Variants in HSD17B12 observed in about 807,000 individuals in gnomAD.
HSD17B12 encodes the protein hydroxysteroid 17-beta dehydrogenase 12, also known as very-long-chain 3-oxoacyl-CoA reductase.
HSD17B12 carries 32 observed loss-of-function variants against 39.3 expected under a neutral mutation model. That is an observed-to-expected ratio of 0.81 (90% CI 0.61 to 1.09). The LOEUF is 1.09. Ranked by LOEUF, HSD17B12 falls within the 50% of genes least tolerant of loss-of-function variation. The pLI, the probability that HSD17B12 is intolerant of heterozygous loss-of-function variation, is 0.00. For missense variants in HSD17B12, 342 were observed against 382.9 expected (o/e 0.89, Z 0.89); for synonymous variants, 150 against 146.7 (o/e 1.02, Z -0.16).
At chr11:43,793,034 G>A (rs1950882778) in intron 3 of HSD17B12, among the ~76,000 whole-genome samples, 1 of 151,984 alleles carries the variant, frequency 6.6e-6, no homozygotes, top group Non-Finnish European at 1.5e-5. Context: ...CTAGCTGCAG[G>A]GAATACAAAT....
intron 1 of HSD17B12, among the ~76,000 whole-genome samples, chr11:43,715,141 G>A (rs962807065): frequency 6.6e-5 from 10 of 152,010 alleles, no homozygotes; most frequent in Admixed American, 2.6e-4. Flanking sequence ...GATTGCCCTC[G>A]CCAGAACTTC....
the HSD17B12 span, among the ~76,000 whole-genome samples, chr11:43,626,403 A>G: frequency 2.0e-5 from 3 of 151,834 alleles, no homozygotes; most frequent in Non-Finnish European, 4.4e-5. Flanking sequence ...TTTGTATATA[A>G]TTCTAAATGT....
chr11:43,701,669 T>G (rs2134810210), intron 1 of HSD17B12, among the ~76,000 whole-genome samples: 1 of 152,318 alleles, frequency 6.6e-6, no homozygotes, highest in African/African-American at 2.4e-5. Context: ...GGATTCTCTA[T>G]TGTGTTGCAT....
At chr11:43,799,788 T>G (rs2135047884) in intron 4 of HSD17B12, among the ~76,000 whole-genome samples, 1 of 152,308 alleles carries the variant, frequency 6.6e-6, no homozygotes, top group East Asian at 1.9e-4. Flanking sequence ...TTTACATGAT[T>G]TCCATAATAG....
At chr11:43,591,183 C>CT in the HSD17B12 span, among the ~76,000 whole-genome samples, 4 of 152,000 alleles carry the variant, frequency 2.6e-5, no homozygotes, top group Admixed American at 2.6e-4. Flanking sequence ...ATTTATAATA[C>CT]AAATATTAAA....
chr11:43,834,693 T>C (rs1951351603), intron 7 of HSD17B12, among the ~76,000 whole-genome samples: 1 of 152,192 alleles, frequency 6.6e-6, no homozygotes, highest in African/African-American at 2.4e-5. Flanking sequence ...TAAGGGAGTC[T>C]TATTGGGAAT....
chr11:43,574,878 C>T, the HSD17B12 span, among the ~76,000 whole-genome samples: 4 of 152,202 alleles, frequency 2.6e-5, no homozygotes, highest in Admixed American at 2.6e-4. Context: ...ATTTTCTCCT[C>T]CTCCTACCAT....
the HSD17B12 span, among the ~76,000 whole-genome samples, chr11:43,620,784 G>A: frequency 6.6e-6 from 1 of 152,182 alleles, no homozygotes; most frequent in Non-Finnish European, 1.5e-5. Context: ...GAGAACTCTG[G>A]TCCATTTGTT....
At chr11:43,774,140 A>G (rs2134993401) in intron 3 of HSD17B12, among the ~76,000 whole-genome samples, 1 of 152,330 alleles carries the variant, frequency 6.6e-6, no homozygotes, top group Non-Finnish European at 1.5e-5. Flanking sequence ...CTGTAGGGCA[A>G]GCTCAGGGGT....
chr11:43,721,604 G>A (rs1453976062), intron 1 of HSD17B12, among the ~76,000 whole-genome samples: 1 of 152,116 alleles, frequency 6.6e-6, no homozygotes, highest in East Asian at 1.9e-4. Flanking sequence ...GGGTGACAGA[G>A]CGAGACTCCA....
intron 3 of HSD17B12, among the ~76,000 whole-genome samples, chr11:43,785,844 A>G (rs1950811120): frequency 6.6e-6 from 1 of 152,322 alleles, no homozygotes; most frequent in African/African-American, 2.4e-5. Context: ...TTGTAACTTT[A>G]TGCATTGATC....
the HSD17B12 span, among the ~76,000 whole-genome samples, chr11:43,574,812 G>C: frequency 6.6e-6 from 1 of 152,272 alleles, no homozygotes; most frequent in African/African-American, 2.4e-5. Context: ...ACGTCACCTC[G>C]CCTTAAAAAG....
At chr11:43,733,216 T>C (rs551136903) in intron 1 of HSD17B12, among the ~76,000 whole-genome samples, 1 of 152,250 alleles carries the variant, frequency 6.6e-6, no homozygotes, top group Non-Finnish European at 1.5e-5. Flanking sequence ...GTTCCTAGTT[T>C]ATAAAGCAAT....
intron 1 of HSD17B12, among the ~76,000 whole-genome samples, chr11:43,697,156 A>G (rs1249142139): frequency 6.6e-6 from 1 of 152,220 alleles, no homozygotes; most frequent in African/African-American, 2.4e-5. Flanking sequence ...CATTCTGCAC[A>G]CATATCCCAG....
intron 6 of HSD17B12, among the ~76,000 whole-genome samples, chr11:43,828,982 G>T (rs1432624773): frequency 6.6e-6 from 1 of 152,206 alleles, no homozygotes; most frequent in East Asian, 1.9e-4. Flanking sequence ...TAGAAGGAAA[G>T]ATAATTTCAT....
At chr11:43,648,254 C>T in the HSD17B12 span, among the ~76,000 whole-genome samples, 1 of 152,028 alleles carries the variant, frequency 6.6e-6, no homozygotes, top group Non-Finnish European at 1.5e-5. Flanking sequence ...TTATTTGCTT[C>T]AACTTAAAAC....
chr11:43,699,851 A>G (rs945393405), intron 1 of HSD17B12, among the ~76,000 whole-genome samples: 3 of 152,238 alleles, frequency 2.0e-5, no homozygotes, highest in Admixed American at 6.5e-5. Context: ...ACAAATGACA[A>G]ACAGGCATAT....
the HSD17B12 span, among the ~76,000 whole-genome samples, chr11:43,652,543 A>T: frequency 6.6e-6 from 1 of 152,172 alleles, no homozygotes; most frequent in Non-Finnish European, 1.5e-5. Flanking sequence ...TGCCAGTTGC[A>T]AGTCTGGGCC....
At chr11:43,780,853 T>C (rs1250595621) in intron 3 of HSD17B12, among the ~76,000 whole-genome samples, 1 of 152,216 alleles carries the variant, frequency 6.6e-6, no homozygotes, top group African/African-American at 2.4e-5. Flanking sequence ...AGAATATATG[T>C]GGCCCTGCCT....
Sources: gnomAD v4.1 joint callset for allele counts (sites outside exome capture counted in the v4.1 genomes callset) on GRCh38, gnomAD v4.1.1 for gene constraint, MANE v1.5 for transcripts, NCBI Gene and HGNC (gene_info 2026-07-23, HGNC 2026-07-21) for gene names.